EXOC2: variants seen among roughly 807,000 people sequenced by gnomAD.
EXOC2 encodes the protein SEC5-like 1.
In EXOC2, 70 loss-of-function variants were observed where a neutral mutation model predicts 131.8. That is an observed-to-expected ratio of 0.53 (90% CI 0.44 to 0.65). The LOEUF is 0.65. EXOC2 is among the 30% of genes least tolerant of loss of function. EXOC2 has a pLI of 0.00. For synonymous variants in EXOC2, 411 were observed against 398.4 expected (o/e 1.03, Z -0.38); for missense variants, 923 against 1,108.6 (o/e 0.83, Z 2.38).
chr6:612,031 G>C (rs1317916758), intron 6 of EXOC2, among the ~76,000 whole-genome samples: 1 of 152,174 alleles, frequency 6.6e-6, no homozygotes, highest in African/African-American at 2.4e-5. Context: ...TGTTAAACGA[G>C]GCACCAAGGA....
intron 11 of EXOC2, among the ~76,000 whole-genome samples, chr6:589,276 C>A (rs1759395111): frequency 6.6e-6 from 1 of 151,670 alleles, no homozygotes; most frequent in South Asian, 2.1e-4. Flanking sequence ...CGAGCACCCG[C>A]ACGGTGTCTG....
chr6:600,934 T>C (rs1345029196), intron 7 of EXOC2, among the ~76,000 whole-genome samples: 1 of 152,240 alleles, frequency 6.6e-6, no homozygotes, highest in Non-Finnish European at 1.5e-5. Context: ...AATTTAATTG[T>C]ATTCACAATA....
intron 3 of EXOC2, among the ~76,000 whole-genome samples, chr6:631,620 A>C (rs1040838837): frequency 6.6e-6 from 1 of 152,154 alleles, no homozygotes; most frequent in African/African-American, 2.4e-5. Context: ...ATTCCAGAAT[A>C]ATAAAATTAC....
chr6:681,386 T>G (rs138747486), intron 1 of EXOC2, among the ~76,000 whole-genome samples: 4 of 152,358 alleles, frequency 2.6e-5, no homozygotes, highest in African/African-American at 9.6e-5. Context: ...ATTCTATTAC[T>G]GCTTCCACAC....
In EXOC2 at chr6:528,679, T is replaced by TA. The variant is rs1172684811; in HGVS notation, c.2380+3789dup. On this transcript the variant is annotated intron_variant, in intron 23 of 27. Transcript: ENST00000230449. ...ACAAAACCAATAAACGAAGCTATGT[T>TA]AAAAAAAAAAGCCTCACCACTTAAT... Among the ~76,000 whole-genome samples the TA allele has an allele frequency of 3.9e-3, 575 of 147,240 alleles. 2 individuals carry two copies. Among genetic ancestry groups the TA allele is most frequent in the African/African-American group, 0.012 (499 of 40,240 alleles).
chr6:587,326 G>T (rs1759265161), intron 11 of EXOC2, among the ~76,000 whole-genome samples: 1 of 151,604 alleles, frequency 6.6e-6, no homozygotes, highest in Non-Finnish European at 1.5e-5. Flanking sequence ...CTCAGTGCAA[G>T]CTCCGCCTCC....
intron 2 of EXOC2, among the ~76,000 whole-genome samples, chr6:634,342 C>A (rs1474634742): frequency 6.6e-6 from 1 of 152,294 alleles, no homozygotes; most frequent in Admixed American, 6.5e-5. Flanking sequence ...GCCTTGGCCT[C>A]CCAAAGTGCT....
At chr6:618,018 T>C (rs1034163790) in intron 5 of EXOC2, among the ~76,000 whole-genome samples, 183 bp from the exon 6 acceptor site, 1 of 152,208 alleles carries the variant, frequency 6.6e-6, no homozygotes, top group Non-Finnish European at 1.5e-5. Context: ...AAACCTTTTA[T>C]TTATTATGAA....
In EXOC2 at chr6:535,482, T is replaced by C. The variant is rs1766383193; in HGVS notation, c.2239-2872A>G. Among the ~76,000 whole-genome samples, 3 of 151,690 alleles carry C rather than the reference T, an allele frequency of 2.0e-5. No homozygotes were observed. The South Asian group carries it at 6.3e-4, about 32-fold the overall frequency. ...ACCCACATATTGCCAAGAACAGAAA[T>C]GAAAAAAGAAACATTCCTATAGATC... On this transcript the variant is annotated intron_variant, in intron 22 of 27. Transcript: ENST00000230449.
intron 1 of EXOC2, among the ~76,000 whole-genome samples, chr6:665,577 T>C (rs990491984): frequency 5.3e-5 from 8 of 152,118 alleles, no homozygotes; most frequent in African/African-American, 1.7e-4. Flanking sequence ...GGTATATATA[T>C]ACAATGGAAT....
At chr6:495,185 G>A (rs1253869765) in intron 25 of EXOC2, among the ~76,000 whole-genome samples, 2 of 145,416 alleles carry the variant, frequency 1.4e-5, no homozygotes, top group African/African-American at 2.5e-5. Context: ...GACTGCAGTG[G>A]TGCGATCTCG....
chr6:495,903 C>T (rs1426695272), intron 25 of EXOC2, among the ~76,000 whole-genome samples: 1 of 152,080 alleles, frequency 6.6e-6, no homozygotes, highest in Non-Finnish European at 1.5e-5. Context: ...CTTTTTTCCC[C>T]CAATTATCCT....
chr6:523,504 A>G (rs1427538842), intron 23 of EXOC2, among the ~76,000 whole-genome samples: 1 of 152,264 alleles, frequency 6.6e-6, no homozygotes, highest in Non-Finnish European at 1.5e-5. Context: ...CTATCTGTAC[A>G]TGAAGTATTT....
intron 2 of EXOC2, 116 bp from the exon 3 acceptor site, chr6:633,233 C>T (rs1761941432): frequency 8.2e-6 from 9 of 1,095,460 alleles, no homozygotes; most frequent in Non-Finnish European, 1.2e-5. Context: ...ATTGAATATA[C>T]CCAATATTAT....
intron 17 of EXOC2, among the ~76,000 whole-genome samples, chr6:560,667 A>G (rs2127580636): frequency 6.6e-6 from 1 of 152,154 alleles, no homozygotes; most frequent in East Asian, 1.9e-4. Context: ...TTAAATACAA[A>G]TAATTGTGAC....
At chr6:579,459 T>C (rs530789727) in intron 11 of EXOC2, among the ~76,000 whole-genome samples, 2 of 152,356 alleles carry the variant, frequency 1.3e-5, no homozygotes, top group African/African-American at 2.4e-5. Context: ...AGCAGGGAGC[T>C]AGAAGAGCAC....
intron 1 of EXOC2, among the ~76,000 whole-genome samples, chr6:651,647 C>T (rs956034162): frequency 3.1e-4 from 45 of 144,674 alleles, no homozygotes; most frequent in African/African-American, 1.0e-3. Context: ...AGCAAGACTC[C>T]GTCTCAGAAA....
At chr6:522,605 T>C (rs530858374) in intron 23 of EXOC2, among the ~76,000 whole-genome samples, 2 of 146,572 alleles carry the variant, frequency 1.4e-5, no homozygotes, top group African/African-American at 5.1e-5. Flanking sequence ...TGAACTGGGC[T>C]GGGCTCAGGT....
chr6:572,674 T>C (rs1758351289), intron 12 of EXOC2, 30 bp from the exon 13 acceptor site: 4 of 1,603,110 alleles, frequency 2.5e-6, no homozygotes, highest in East Asian at 4.5e-5. Flanking sequence ...AATACTATGA[T>C]TGTACTTCTG....
Sources: gnomAD v4.1 joint callset for allele counts (sites outside exome capture counted in the v4.1 genomes callset) on GRCh38, gnomAD v4.1.1 for gene constraint, MANE v1.5 for transcripts, NCBI Gene and HGNC (gene_info 2026-07-23, HGNC 2026-07-21) for gene names.